The following ADAMTS14 variants were observed in gnomAD, a reference collection of about 807,000 sequenced individuals.
The protein encoded by ADAMTS14 is ADAM metallopeptidase with thrombospondin type 1 motif 14, also known as A disintegrin and metalloproteinase with thrombospondin motifs 14.
A neutral mutation model predicts 128.6 loss-of-function variants in ADAMTS14; 100 were observed. The observed-to-expected ratio is 0.78, with a 90% CI of 0.66 to 0.92. The LOEUF (loss-of-function observed/expected upper bound fraction) is 0.92. ADAMTS14 is among the 40% of genes least tolerant of loss of function. ADAMTS14 has a pLI of 0.00. For synonymous variants in ADAMTS14, 665 were observed against 653.8 expected (o/e 1.02, Z -0.26); for missense variants, 1,562 against 1,658.6 (o/e 0.94, Z 1.01).
chr10:70,698,214 T>C (rs1405106193), intron 2 of ADAMTS14, among the ~76,000 whole-genome samples: 1 of 152,286 alleles, frequency 6.6e-6, no homozygotes, highest in Non-Finnish European at 1.5e-5. Flanking sequence ...TTTTCCATCC[T>C]ACCAGAATTT....
chr10:70,715,318 C>G (rs1340726159), intron 4 of ADAMTS14, among the ~76,000 whole-genome samples: 14 of 152,086 alleles, frequency 9.2e-5, no homozygotes, highest in Non-Finnish European at 2.1e-4. Context: ...GGAACAGGAC[C>G]CCAGGAGAGG....
At chr10:70,734,065 G>T in intron 8 of ADAMTS14, 37 bp downstream of exon 8, 1 of 1,595,236 alleles carries the variant, frequency 6.3e-7, no homozygotes, top group South Asian at 1.1e-5. Flanking sequence ...GGATAGGGGA[G>T]CATGCGACCT....
chr10:70,673,778 T>C (rs144859557), intron 1 of ADAMTS14, among the ~76,000 whole-genome samples: 169 of 152,308 alleles, frequency 1.1e-3, no homozygotes, highest in Admixed American at 2.0e-3. Flanking sequence ...GCCAGGGAGC[T>C]GTCATTCCTG....
At chr10:70,756,346 G>A (rs1279262827) in intron 19 of ADAMTS14, among the ~76,000 whole-genome samples, 1 of 152,150 alleles carries the variant, frequency 6.6e-6, no homozygotes, top group Non-Finnish European at 1.5e-5. Flanking sequence ...CATTTTATAT[G>A]TCTCCATAAT....
In ADAMTS14 at chr10:70,741,164, T is replaced by C. The variant is rs999394202; in HGVS notation, c.1924+2T>C. The C allele has an allele frequency of 1.2e-5, 20 of 1,611,638 alleles. No individual in the cohort carries two copies. Among genetic ancestry groups the C allele is most frequent in the Non-Finnish European group, 1.6e-5 (19 of 1,178,884 alleles). On this transcript the variant is annotated splice_donor_variant, in intron 12 of 21. Transcript: ENST00000373207. LOFTEE classifies it high-confidence loss of function. ...GGGTGCCCTACGAGCCTGACGATGG[T>C]GAGTGGGCCCCACCCCCCTCCCACT...
At chr10:70,702,901 G>A (rs10762397) in intron 3 of ADAMTS14, among the ~76,000 whole-genome samples, 21,500 of 152,070 alleles carry the variant, frequency 0.14, 2,256 homozygotes, top group East Asian at 0.48. Flanking sequence ...TTTGTGTCCC[G>A]TAGACCATTT....
intron 4 of ADAMTS14, among the ~76,000 whole-genome samples, chr10:70,718,159 G>A (rs1413486390): frequency 6.6e-6 from 1 of 152,128 alleles, no homozygotes; most frequent in African/African-American, 2.4e-5. Context: ...TCCTGCTGAC[G>A]GAGAGTGTGG....
intron 19 of ADAMTS14, among the ~76,000 whole-genome samples, chr10:70,754,902 C>T (rs929784528): frequency 2.1e-5 from 3 of 145,824 alleles, no homozygotes; most frequent in Non-Finnish European, 3.1e-5. Flanking sequence ...CTGGAGGCCA[C>T]CTTCGGGAAA....
intron 2 of ADAMTS14, among the ~76,000 whole-genome samples, chr10:70,675,941 G>C (rs1414148039): frequency 1.3e-5 from 2 of 152,144 alleles, no homozygotes; most frequent in African/African-American, 4.8e-5. Context: ...AGATGGGGAG[G>C]GGTTGTGGGT....
chr10:70,702,377 G>T lies in ADAMTS14; in HGVS notation c.588G>T (p.Glu196Asp), dbSNP rs1188522793. ...AGCCTCTGGAGCGGGGCCAGCAGGA[G>T]AAGGAGGCCAGCGGGAGGACACATG... ...FIEPLERGQQ[E>D]KEASGRTHVV... The change falls in exon 3 of 22, where the codon GAG becomes GAT. Residue 196 changes from glutamate to aspartate, a missense_variant. Physicochemically the swap from Glu to Asp is conservative, Grantham distance 45 (BLOSUM62 2). Coordinates refer to ENST00000373207, the MANE Select transcript of ADAMTS14 (RefSeq NM_080722.4). 2 of 1,614,060 alleles carry T rather than the reference G, an allele frequency of 1.2e-6. No homozygotes were observed. Among genetic ancestry groups the T allele is most frequent in the African/African-American group, 1.3e-5 (1 of 74,914 alleles).
intron 4 of ADAMTS14, among the ~76,000 whole-genome samples, chr10:70,721,025 T>C (rs1010244106): frequency 2.4e-4 from 34 of 138,786 alleles, no homozygotes; most frequent in Middle Eastern, 3.6e-3. Flanking sequence ...TTTTCTTTTT[T>C]TTTTTTTTTT....
chr10:70,719,367 T>TACACACAC (rs61607600), intron 4 of ADAMTS14, among the ~76,000 whole-genome samples: 44 of 142,220 alleles, frequency 3.1e-4, no homozygotes, highest in African/African-American at 9.8e-4. Context: ...ACTCCACAAA[T>TACACACAC]ACACACACAC....
intron 19 of ADAMTS14, among the ~76,000 whole-genome samples, chr10:70,754,922 C>A (rs764385835): frequency 1.3e-5 from 2 of 152,070 alleles, no homozygotes. Flanking sequence ...ACTGCCTTGA[C>A]GAAATTGTCT....
chr10:70,718,995 C>A (rs535707631), intron 4 of ADAMTS14, among the ~76,000 whole-genome samples: 1 of 152,046 alleles, frequency 6.6e-6, no homozygotes, highest in African/African-American at 2.4e-5. Context: ...GGCACCCACC[C>A]AAGCAGTAGT....
At position 70,681,704 on chromosome 10, in the gene ADAMTS14, C is replaced by G. The variant is rs192149358; in HGVS notation, c.522+6709C>G. Among the ~76,000 whole-genome samples, 370 of 152,346 alleles carry G rather than the reference C, an allele frequency of 2.4e-3. 1 individual carries two copies. The highest frequency in any genetic ancestry group is 8.6e-3 in the African/African-American group (357 of 41,588). On this transcript the variant is annotated intron_variant, in intron 2 of 21. Coordinates refer to ENST00000373207, the MANE Select transcript of ADAMTS14 (RefSeq NM_080722.4). ...CGCCCTGGGAAGCTGCGGGTCGGCT[C>G]CACATTCCACCCTGCTTTGGAGGTG... is the stretch of plus-strand genomic sequence containing the variant.
At position 70,739,004 on chromosome 10, in the gene ADAMTS14, G is replaced by A. The variant is rs1014163594; in HGVS notation, c.1748+14G>A. 4 of 1,595,040 alleles carry A rather than the reference G, an allele frequency of 2.5e-6. No homozygotes were observed. The highest frequency in any genetic ancestry group is 3.4e-6 in the Non-Finnish European group (4 of 1,170,436). On this transcript the variant is annotated intron_variant, in intron 11 of 21. Transcript: ENST00000373207. ...CAACAACCCCTCGTGAGTGTGCTTG[G>A]CTAGGGTGGGGAGGGCAGGGAGTCC...
At chr10:70,715,044 G>A (rs1397329858) in intron 4 of ADAMTS14, among the ~76,000 whole-genome samples, 3 of 152,024 alleles carry the variant, frequency 2.0e-5, no homozygotes, top group African/African-American at 7.2e-5. Context: ...GGTTTCTTTA[G>A]GAAAGACAAG....
intron 4 of ADAMTS14, among the ~76,000 whole-genome samples, chr10:70,717,096 A>G (rs1841078517): frequency 6.6e-6 from 1 of 152,228 alleles, no homozygotes; most frequent in African/African-American, 2.4e-5. Context: ...TTTGAAGCAT[A>G]AAGGGGTAGT....
At position 70,729,448 on chromosome 10, in the gene ADAMTS14, T is replaced by C; in HGVS notation, c.954+71T>C. ...TGGGGCCAGAGTGTTGGACCAGCAATGGTGTGGGCTGCAGGGGTAAGCATC... is the reference window on the plus strand; with the variant it reads ...TGGGGCCAGAGTGTTGGACCAGCAACGGTGTGGGCTGCAGGGGTAAGCATC... On this transcript the variant is annotated intron_variant, in intron 5 of 21. Coordinates refer to ENST00000373207, the MANE Select transcript of ADAMTS14 (RefSeq NM_080722.4). The C allele has an allele frequency of 2.4e-6, 3 of 1,268,438 alleles. No individual in the cohort carries two copies. In the South Asian group the frequency reaches 3.6e-5, roughly 15 times the overall value. The allele number at this position is 1,268,438 out of a possible 1,614,324, so 78.6% of individuals were successfully genotyped here.
Sources: allele counts gnomAD v4.1 joint callset (sites outside exome capture counted in the v4.1 genomes callset), GRCh38; gene constraint gnomAD v4.1.1; transcripts MANE v1.5; gene names NCBI Gene and HGNC (gene_info 2026-07-23, HGNC 2026-07-21).